Variants in PTPRD observed in about 807,000 individuals in gnomAD.
The protein encoded by PTPRD is receptor-type tyrosine-protein phosphatase delta.
PTPRD carries 34 observed loss-of-function variants against 214.5 expected under a neutral mutation model. The ratio of observed to expected loss-of-function variants is 0.16; its 90% CI spans 0.12 to 0.21. The LOEUF (loss-of-function observed/expected upper bound fraction) is 0.21. Ranked by LOEUF, PTPRD falls within the 10% of genes least tolerant of loss-of-function variation. The probability of loss-of-function intolerance (pLI) is 1.00; values close to 1 mark genes in which losing one functional copy is unlikely to be tolerated. For missense variants in PTPRD, 2,545 were observed against 2,398.7 expected, an observed-to-expected ratio of 1.06 and a Z score of -1.27; for synonymous variants, 1,128 against 845.7, an observed-to-expected ratio of 1.33 and a Z score of -5.79.
At chr9:8,783,455 T>G (rs1189339045) in intron 11 of PTPRD, among the ~76,000 whole-genome samples, 2 of 152,240 alleles carry the variant, frequency 1.3e-5, no homozygotes, top group African/African-American at 4.8e-5. Context: ...TTATATGTAT[T>G]CTTTCATTTT....
chr9:9,983,633 A>G (rs2095615174), intron 4 of PTPRD, among the ~76,000 whole-genome samples: 1 of 152,228 alleles, frequency 6.6e-6, no homozygotes, highest in Non-Finnish European at 1.5e-5. Flanking sequence ...TACAAATTGA[A>G]TATCATGAAA....
intron 14 of PTPRD, among the ~76,000 whole-genome samples, chr9:8,605,201 T>C (rs933181375): frequency 6.6e-6 from 1 of 152,206 alleles, no homozygotes; most frequent in African/African-American, 2.4e-5. Context: ...CTTAAAATAA[T>C]GAAGTTGGAA....
intron 9 of PTPRD, among the ~76,000 whole-genome samples, chr9:9,259,843 C>A (rs766590352): frequency 3.0e-4 from 46 of 151,854 alleles, no homozygotes; most frequent in Non-Finnish European, 5.7e-4. Flanking sequence ...AAGGTCCCAA[C>A]AAAGGGCAAT....
At chr9:9,986,816 A>T (rs2154073316) in intron 4 of PTPRD, among the ~76,000 whole-genome samples, 1 of 152,306 alleles carries the variant, frequency 6.6e-6, no homozygotes, top group Non-Finnish European at 1.5e-5. Flanking sequence ...AAGATGAACA[A>T]GTTCTGAGAT....
intron 9 of PTPRD, among the ~76,000 whole-genome samples, chr9:9,322,967 A>G (rs1447749914): frequency 2.0e-5 from 3 of 152,196 alleles, no homozygotes; most frequent in African/African-American, 7.2e-5. Flanking sequence ...TAGGTTTTTA[A>G]AAATAATATA....
intron 10 of PTPRD, among the ~76,000 whole-genome samples, chr9:9,046,797 C>A (rs772525704): frequency 2.0e-5 from 3 of 152,070 alleles, no homozygotes; most frequent in Non-Finnish European, 4.4e-5. Context: ...TTACAACATA[C>A]CCTTAGCTAG....
intron 9 of PTPRD, among the ~76,000 whole-genome samples, chr9:9,314,558 CAT>C (rs1362202624): frequency 6.6e-6 from 1 of 152,082 alleles, no homozygotes; most frequent in African/African-American, 2.4e-5. Context: ...AGCAGCTTAA[CAT>C]GTGATAAATG....
intron 11 of PTPRD, among the ~76,000 whole-genome samples, chr9:8,797,915 G>A (rs958417841): frequency 6.0e-5 from 9 of 149,930 alleles, no homozygotes; most frequent in Admixed American, 4.7e-4. Flanking sequence ...TGTCACCGAA[G>A]CTGGAGTGCA....
intron 11 of PTPRD, among the ~76,000 whole-genome samples, chr9:9,005,076 G>A (rs2099454230): frequency 1.3e-5 from 2 of 152,048 alleles, no homozygotes; most frequent in South Asian, 4.1e-4. Context: ...TATTTTGAAT[G>A]GACCTTCAGG....
chr9:8,526,706 G>A, intron 16 of PTPRD, 62 bp from the exon 17 acceptor site: 1 of 1,401,264 alleles, frequency 7.1e-7, no homozygotes, highest in South Asian at 1.3e-5. Flanking sequence ...CGAGAAGAAG[G>A]AGGCTAGGGC....
intron 9 of PTPRD, among the ~76,000 whole-genome samples, chr9:9,367,430 C>T (rs973494288): frequency 1.3e-5 from 2 of 151,516 alleles, no homozygotes; most frequent in Non-Finnish European, 3.0e-5. Context: ...ACATTTTGGC[C>T]TACAATTATA....
At chr9:8,671,829 G>A (rs995429320) in intron 12 of PTPRD, among the ~76,000 whole-genome samples, 3 of 152,146 alleles carry the variant, frequency 2.0e-5, no homozygotes, top group Admixed American at 1.3e-4. Flanking sequence ...ATCTAGAAAG[G>A]ACCCTATTTT....
At chr9:9,358,365 A>G (rs2054662573) in intron 9 of PTPRD, among the ~76,000 whole-genome samples, 1 of 151,458 alleles carries the variant, frequency 6.6e-6, no homozygotes, top group Non-Finnish European at 1.5e-5. Flanking sequence ...TAAAAATATA[A>G]TTGCTTACTA....
rs568162761 is a variant in PTPRD at position 10,134,328 on chromosome 9, G to A, written c.-544-100538C>T. On this transcript the variant is annotated intron_variant, in intron 3 of 45. Coordinates refer to ENST00000381196, the MANE Select transcript of PTPRD (RefSeq NM_002839.4). The stretch of plus-strand genomic sequence containing the variant: ...ATTGGGGTTAAGGAAATATGGGTGT[G>A]GCACCAGTGATTTGGGAGTCCCTAA... Among the ~76,000 whole-genome samples the A allele has an allele frequency of 4.6e-5, 7 of 152,260 alleles. No individual in the cohort carries two copies. The East Asian group carries it at 1.4e-3, about 29-fold the overall frequency.
At chr9:9,056,997 T>C (rs1396031470) in intron 10 of PTPRD, among the ~76,000 whole-genome samples, 2 of 152,164 alleles carry the variant, frequency 1.3e-5, no homozygotes, top group African/African-American at 4.8e-5. Flanking sequence ...GCTTTTGCAG[T>C]CTCATCTTAA....
intron 9 of PTPRD, among the ~76,000 whole-genome samples, chr9:9,209,015 T>C (rs144391481): frequency 6.6e-6 from 1 of 151,810 alleles, no homozygotes; most frequent in Non-Finnish European, 1.5e-5. Flanking sequence ...TCACCATGTT[T>C]GCCAGGATGG....
chr9:9,541,284 G>A (rs1272190886), intron 8 of PTPRD, among the ~76,000 whole-genome samples: 2 of 151,690 alleles, frequency 1.3e-5, no homozygotes, highest in East Asian at 3.9e-4. Flanking sequence ...GACTTCAGTT[G>A]CCATGATATA....
intron 3 of PTPRD, among the ~76,000 whole-genome samples, chr9:10,162,906 G>GA (rs201592557): frequency 0.011 from 1,578 of 150,152 alleles, 24 homozygotes; most frequent in African/African-American, 0.035. Flanking sequence ...GTACTTCAGG[G>GA]AAAAAATGTA....
chr9:9,114,253 G>T (rs531828646), intron 10 of PTPRD, among the ~76,000 whole-genome samples: 1 of 152,102 alleles, frequency 6.6e-6, no homozygotes, highest in African/African-American at 2.4e-5. Flanking sequence ...GGTATTGATG[G>T]CCATACAGTT....
Sources: allele counts gnomAD v4.1 joint callset (sites outside exome capture counted in the v4.1 genomes callset), GRCh38; gene constraint gnomAD v4.1.1; transcripts MANE v1.5; gene names NCBI Gene and HGNC (gene_info 2026-07-23, HGNC 2026-07-21).